ZNF324B: variants seen among roughly 807,000 people sequenced by gnomAD.
ZNF324B encodes zinc finger protein 324B.
ZNF324B carries 7 observed loss-of-function variants against 10.6 expected under a neutral mutation model. The observed-to-expected ratio is 0.66, with a 90% CI of 0.38 to 1.24. ZNF324B has a LOEUF of 1.24. Ranked by LOEUF, ZNF324B falls within the 50% of genes most tolerant of loss-of-function variation. The pLI, the probability that ZNF324B is intolerant of heterozygous loss-of-function variation, is 0.02. For synonymous variants in ZNF324B, 316 were observed against 321.0 expected, an observed-to-expected ratio of 0.98 and a Z score of 0.17; for missense variants, 640 against 764.7, an observed-to-expected ratio of 0.84 and a Z score of 1.92.
chr19:58,438,611 C>A, the ZNF324B span, among the ~76,000 whole-genome samples: 1 of 150,818 alleles, frequency 6.6e-6, no homozygotes, highest in African/African-American at 2.4e-5. Context: ...GTAGCTGGGA[C>A]TACAGGCACC....
chr19:58,440,096 T>G, the ZNF324B span: 1 of 479,984 alleles, frequency 2.1e-6, no homozygotes, highest in Non-Finnish European at 3.6e-6. Flanking sequence ...CGTGCCCTGG[T>G]GTGGCTCCAG....
chr19:58,427,449 TTTCCC>T, the ZNF324B span, among the ~76,000 whole-genome samples: 93 of 54,766 alleles, frequency 1.7e-3, 2 homozygotes, highest in African/African-American at 0.011. Flanking sequence ...CTTCCTTTCC[TTTCCC>T]TTCCTTCCTT....
At chr19:58,439,016 T>C in the ZNF324B span, among the ~76,000 whole-genome samples, 12,178 of 151,064 alleles carry the variant, frequency 0.081, 762 homozygotes, top group East Asian at 0.31. Context: ...TCAAGTGATC[T>C]GGCCGCCTTG....
chr19:58,451,748 C>T (rs1415692989), intron 1 of ZNF324B, 44 bp downstream of exon 1: 1 of 430,040 alleles, frequency 2.3e-6, no homozygotes, highest in Non-Finnish European at 4.5e-6. Flanking sequence ...GCCTCGGTAT[C>T]TTCGAGTATG....
At chr19:58,427,295 C>A in the ZNF324B span, among the ~76,000 whole-genome samples, 1 of 46,076 alleles carries the variant, frequency 2.2e-5, no homozygotes, top group South Asian at 8.4e-4. Flanking sequence ...TGGCTTTTTT[C>A]TTTCTTTCTT....
In ZNF324B at chr19:58,456,631, C is replaced by T; in HGVS notation, c.*52C>T. On this transcript the variant is annotated 3_prime_UTR_variant, in exon 4 of 4. Transcript: ENST00000336614. This position sits in a 1 kb window ranked among gnomAD's most constrained non-coding sequence, Gnocchi z 4.7. The stretch of plus-strand genomic sequence containing the variant: ...CTTGGCCTTCTGTGAATCCCTTCCA[C>T]AGCTAAAGGGTCCGAGTGCTCTTCA... 1.9e-6 allele frequency: 3 copies of T among 1,572,730 alleles called. No individual in the cohort carries two copies. Among genetic ancestry groups the T allele is most frequent in the Non-Finnish European group, 8.6e-7 (1 of 1,157,138 alleles).
At chr19:58,434,931 T>A in the ZNF324B span, 1 of 1,614,162 alleles carries the variant, frequency 6.2e-7, no homozygotes, top group South Asian at 1.1e-5. Context: ...CCTTGTACCA[T>A]CTAAAGGGCT....
At chr19:58,436,667 CAAAAAAA>C in the ZNF324B span, among the ~76,000 whole-genome samples, 226 of 65,544 alleles carry the variant, frequency 3.4e-3, 3 homozygotes, top group Middle Eastern at 0.018. Flanking sequence ...GACTCCATCT[CAAAAAAA>C]AAAAAAAAAA....
chr19:58,451,497 T>C, upstream of ZNF324B: 3 of 409,810 alleles, frequency 7.3e-6, no homozygotes, highest in South Asian at 1.7e-5. Flanking sequence ...TGGAGACTGG[T>C]AATGGCCCCG....
chr19:58,455,454 G>C lies in ZNF324B; in HGVS notation c.510G>C (p.Lys170Asn). 1 of 1,614,132 alleles carries C rather than the reference G, an allele frequency of 6.2e-7. No homozygotes were observed. Among genetic ancestry groups the C allele is most frequent in the Non-Finnish European group, 8.5e-7 (1 of 1,179,992 alleles). Residue 170 changes from lysine (K) to asparagine (N), a missense_variant, in exon 4 of 4, where the codon AAG (lysine) becomes AAC (asparagine). Physicochemically the swap from Lys to Asn is moderately conservative, Grantham distance 94. Coordinates refer to ENST00000336614, the MANE Select transcript of ZNF324B (RefSeq NM_207395.3). The surrounding 1 kb of genome is among the most constrained non-coding windows in gnomAD (Gnocchi z 7.0). ...LRLTSPLRPP[K>N]SSRPREKTFT... ...TGACCTCCCCACTCAGGCCCCCCAA[G>C]AGCAGCCGGCCCAGGGAAAAGACCT...
chr19:58,454,287 G>A lies in ZNF324B; in HGVS notation c.181G>A (p.Val61Ile). The A allele has an allele frequency of 6.2e-7, 1 of 1,614,150 alleles. No individual in the cohort carries two copies. The highest frequency in any genetic ancestry group is 1.1e-5 in the South Asian group (1 of 91,086). Residue 61 changes from valine to isoleucine, a missense_variant, in exon 3 of 4, where the codon GTT (valine) becomes ATT (isoleucine). Transcript: ENST00000336614. ...IQLERGEEPW[V>I]PSGKDMTLAR... ...ACTTGAGCGTGGCGAGGAGCCCTGGGTTCCCAGTGGAAAGGACATGACCCT... is the reference window on the plus strand; with the variant it reads ...ACTTGAGCGTGGCGAGGAGCCCTGGATTCCCAGTGGAAAGGACATGACCCT...
At chr19:58,427,372 T>TTC in the ZNF324B span, among the ~76,000 whole-genome samples, 1 of 44,386 alleles carries the variant, frequency 2.3e-5, no homozygotes, top group African/African-American at 9.1e-5. Flanking sequence ...CTTTCTTTCT[T>TTC]TCTTTCTTTC....
chr19:58,427,779 C>T, the ZNF324B span, among the ~76,000 whole-genome samples: 159 of 151,954 alleles, frequency 1.0e-3, no homozygotes, highest in African/African-American at 3.7e-3. Flanking sequence ...CCTCAAGTAG[C>T]TGGAAACAGG....
chr19:58,454,152 G>A (rs1182756320), intron 2 of ZNF324B, 76 bp from the exon 3 acceptor site: 5 of 954,142 alleles, frequency 5.2e-6, no homozygotes, highest in East Asian at 2.5e-5. Flanking sequence ...TTTCCATGAA[G>A]CCCTGACTCC....
Position 58,453,762 on chromosome 19 carries a change from G to A in ZNF324B, c.61G>A (p.Ala21Thr), listed in dbSNP as rs2122351277. ...SQEEWGLLDT[A>T]QRALYRHVML... is the part of the protein sequence containing the mutation. ...GGAGGAGTGGGGGCTCCTGGACACA[G>A]CGCAGAGGGCCCTGTACCGCCACGT... is the stretch of plus-strand genomic sequence containing the variant. The change falls in exon 2 of 4, where the codon GCG becomes ACG. Residue 21 changes from alanine to threonine, a missense_variant. Physicochemically the swap from Ala to Thr is moderately conservative, Grantham distance 58 (BLOSUM62 0). Around this residue, in one of 3 missense-constraint regions of ZNF324B, gnomAD observed 345 missense variants for 387.9 expected, o/e 0.89. Transcript: ENST00000336614. The A allele has an allele frequency of 6.2e-7, 1 of 1,614,192 alleles. No homozygotes were observed. Among genetic ancestry groups the A allele is most frequent in the Non-Finnish European group, 8.5e-7 (1 of 1,180,016 alleles).
the ZNF324B span, chr19:58,430,246 T>G: frequency 6.6e-6 from 1 of 152,188 alleles, no homozygotes; most frequent in Non-Finnish European, 1.5e-5. Context: ...CCTTCCCTAG[T>G]CAAGCCTTCA....
chr19:58,449,587 T>C (rs1304971419), upstream of ZNF324B, among the ~76,000 whole-genome samples: 5 of 152,220 alleles, frequency 3.3e-5, no homozygotes, highest in African/African-American at 1.2e-4. Context: ...GGGAACCCAC[T>C]GCTTGTATCA....
intron 3 of ZNF324B, 74 bp downstream of exon 3, chr19:58,454,418 T>C: frequency 1.1e-6 from 1 of 937,566 alleles, no homozygotes; most frequent in Non-Finnish European, 1.8e-6. Flanking sequence ...TTTCTGACTC[T>C]GGAAACACAT....
the ZNF324B span, among the ~76,000 whole-genome samples, chr19:58,426,563 C>T: frequency 6.6e-6 from 1 of 152,172 alleles, no homozygotes; most frequent in East Asian, 1.9e-4. Flanking sequence ...GCACCCTTGG[C>T]CTTAATCTGC....
Sources: gnomAD v4.1 joint callset for allele counts (sites outside exome capture counted in the v4.1 genomes callset) on GRCh38, gnomAD v4.1.1 for gene constraint, gnomAD v4.1.1 regional missense constraint, Gnocchi (gnomAD v3.1) non-coding constraint, MANE v1.5 for transcripts, NCBI Gene and HGNC (gene_info 2026-07-23, HGNC 2026-07-21) for gene names.